ELP1: variants seen among roughly 807,000 people sequenced by gnomAD.
ELP1 encodes the protein elongator acetyltransferase complex subunit 1, also known as elongator complex protein 1.
In ELP1, 131 loss-of-function variants were observed where a neutral mutation model predicts 183.2. That is an observed-to-expected ratio of 0.72 (90% confidence interval 0.62 to 0.83). ELP1 has a LOEUF of 0.83. ELP1 is among the 40% of genes least tolerant of loss of function. The pLI is 0.00. For missense variants in ELP1, 1,550 were observed against 1,594.9 expected (o/e 0.97, Z 0.48); for synonymous variants, 555 against 569.0 (o/e 0.98, Z 0.35).
In ELP1 at chr9:108,897,426, T is replaced by A. The variant is rs112872236; in HGVS notation, c.2364-141A>T. On this transcript the variant is annotated intron_variant, in intron 22 of 36. Transcript: ENST00000374647. ...GTTGAATTATAAAAATATTGAGAAA[T>A]AAAACATGTCCACAAAAGACTTATA... 5.2e-4 allele frequency: 467 copies of A among 896,632 alleles called. 1 individual carries two copies. In the African/African-American group the frequency reaches 6.7e-3, roughly 13 times the overall value. The allele number at this position is 896,632 out of a possible 1,614,324, so 55.5% of individuals were successfully genotyped here.
intron 36 of ELP1, among the ~76,000 whole-genome samples, chr9:108,873,670 A>G (rs1827574281): frequency 6.6e-6 from 1 of 152,214 alleles, no homozygotes; most frequent in African/African-American, 2.4e-5. Context: ...ATTGGACTAC[A>G]GCACAAAATA....
Position 108,878,057 on chromosome 9 carries a change from A to T in ELP1, c.3793T>A (p.Leu1265Met). 6.2e-7 allele frequency: 1 copy of T among 1,614,088 alleles called. No homozygotes were observed. Among genetic ancestry groups the T allele is most frequent in the Non-Finnish European group, 8.5e-7 (1 of 1,179,954 alleles). Residue 1265 changes from leucine (L) to methionine (M), a missense_variant, in exon 35 of 37, where the codon TTG (leucine) becomes ATG (methionine). Leu to Met is a conservative substitution (Grantham distance 15). Transcript: ENST00000374647. ...LQKAFEDTLQ[L>M]MERSLPEIWT... Reference sequence around the variant, plus strand: ...ATTTCTGGAAGTGACCTTTCCATCAACTGCAGCGTATCTTCAAAGGCCTTC... The same window carrying T: ...ATTTCTGGAAGTGACCTTTCCATCATCTGCAGCGTATCTTCAAAGGCCTTC...
chr9:108,880,668 A>G (rs1157103994), intron 31 of ELP1, among the ~76,000 whole-genome samples: 3 of 152,228 alleles, frequency 2.0e-5, no homozygotes, highest in Non-Finnish European at 4.4e-5. Flanking sequence ...AAATACTACT[A>G]TCCAAGGATG....
At chr9:108,889,482 A>G in intron 28 of ELP1, 89 bp from the exon 29 acceptor site, 1 of 1,176,188 alleles carries the variant, frequency 8.5e-7, no homozygotes, top group Non-Finnish European at 1.3e-6. Flanking sequence ...TTATGTATGA[A>G]ACTATGTACT....
intron 35 of ELP1, among the ~76,000 whole-genome samples, chr9:108,876,731 C>CTT (rs35897844): frequency 1.1e-3 from 146 of 138,402 alleles, no homozygotes; most frequent in South Asian, 2.1e-3. Flanking sequence ...GATTGGCTGG[C>CTT]TTTTTTTTTT....
intron 35 of ELP1, among the ~76,000 whole-genome samples, chr9:108,877,305 T>C (rs1338585201): frequency 6.6e-6 from 1 of 152,218 alleles, no homozygotes; most frequent in African/African-American, 2.4e-5. Context: ...TTTTGCCTTG[T>C]TTAGTCCTCT....
rs3818932 is a variant in ELP1 at position 108,901,898 on chromosome 9, T to C, written c.1855-217A>G. On this transcript the variant is annotated intron_variant, in intron 16 of 36. Transcript: ENST00000374647. Reference sequence around the variant, plus strand: ...CCCTGACATCTCCATCTCCTACACATATCTCAAACCCATCTCCTTTTTCCC... The same window carrying C: ...CCCTGACATCTCCATCTCCTACACACATCTCAAACCCATCTCCTTTTTCCC... Among the ~76,000 whole-genome samples, 33,506 of 152,034 alleles carry C rather than the reference T, an allele frequency of 0.22. 4,536 individuals are homozygous for C. Among genetic ancestry groups the C allele is most frequent in the East Asian group, 0.3 (1,565 of 5,156 alleles).
At chr9:108,896,828 AAAATGGCAACT>A (rs892673462) in intron 24 of ELP1, 114 bp downstream of exon 24, 1 of 1,099,118 alleles carries the variant, frequency 9.1e-7, no homozygotes, top group Non-Finnish European at 1.4e-6. Flanking sequence ...CAAGGGTCTT[AAAATGGCAACT>A]AAAAAGTCAC....
At chr9:108,930,636 A>T (rs1829970759) in intron 2 of ELP1, among the ~76,000 whole-genome samples, 1 of 142,870 alleles carries the variant, frequency 7.0e-6, no homozygotes, top group African/African-American at 2.6e-5. Flanking sequence ...GCTTGCAGTG[A>T]GCCACGATCA....
chr9:108,893,908 G>T, intron 26 of ELP1, 35 bp downstream of exon 26: 1 of 1,611,580 alleles, frequency 6.2e-7, no homozygotes. Context: ...AAGAAGATCT[G>T]AAGTAGAGAT....
chr9:108,906,447 G>A lies in ELP1; in HGVS notation c.1499C>T (p.Pro500Leu), dbSNP rs779307491. 21 of 1,613,760 alleles carry A rather than the reference G, an allele frequency of 1.3e-5. No homozygotes were observed. Among genetic ancestry groups the A allele is most frequent in the Non-Finnish European group, 1.6e-5 (19 of 1,179,840 alleles). Residue 500 changes from proline (P) to leucine (L), a missense_variant, in exon 14 of 37, where the codon CCG becomes CTG. By Grantham distance (98) the Pro-to-Leu change is moderately conservative. Coordinates refer to ENST00000374647, the MANE Select transcript of ELP1 (RefSeq NM_003640.5). ...FENNEDQDVN[P>L]LKLGLLTWIE... is the part of the protein sequence containing the mutation. ...CCAAGTGAGAAGGCCTAGTTTCAGCGGGTTTACATCTTGATCTTCATTATT... is the reference window on the plus strand; with the variant it reads ...CCAAGTGAGAAGGCCTAGTTTCAGCAGGTTTACATCTTGATCTTCATTATT...
At chr9:108,894,131 A>T in intron 25 of ELP1, 65 bp from the exon 26 acceptor site, 1 of 971,616 alleles carries the variant, frequency 1.0e-6, no homozygotes, top group Non-Finnish European at 1.6e-6. Context: ...AGAAACTAGC[A>T]TTTACATATA....
intron 36 of ELP1, among the ~76,000 whole-genome samples, chr9:108,869,839 T>G (rs561002022): frequency 3.3e-5 from 5 of 152,218 alleles, no homozygotes; most frequent in Non-Finnish European, 7.3e-5. Flanking sequence ...GATTTTCTTT[T>G]TCAGCATTAT....
chr9:108,892,243 C>T (rs1368061973), intron 27 of ELP1, among the ~76,000 whole-genome samples: 1 of 152,064 alleles, frequency 6.6e-6, no homozygotes, highest in Non-Finnish European at 1.5e-5. Flanking sequence ...TTCTGATGGA[C>T]AAATGGGGCT....
chr9:108,882,517 G>A (rs928570017), intron 29 of ELP1, among the ~76,000 whole-genome samples: 2 of 151,944 alleles, frequency 1.3e-5, no homozygotes, highest in African/African-American at 4.8e-5. Flanking sequence ...GTTTAGGTGG[G>A]CTCCAGAATT....
chr9:108,872,829 A>G (rs918569521), intron 36 of ELP1, among the ~76,000 whole-genome samples: 2 of 124,988 alleles, frequency 1.6e-5, no homozygotes, highest in African/African-American at 5.3e-5. Context: ...AAAAAAAAAA[A>G]AAAAAAAAAA....
At chr9:108,888,868 A>G (rs1828220564) in intron 29 of ELP1, among the ~76,000 whole-genome samples, 2 of 152,208 alleles carry the variant, frequency 1.3e-5, no homozygotes, top group South Asian at 4.1e-4. Context: ...AATAAATCCT[A>G]TAATACTACC....
chr9:108,926,508 C>T lies in ELP1; in HGVS notation c.466+15G>A, dbSNP rs1279451654. On this transcript the variant is annotated intron_variant, in intron 5 of 36. Transcript: ENST00000374647. ...GAAACGTAGGTCACAAAATATTGCACAAAGCTATACTTACTTTCACCAAAA... is the reference window on the plus strand; with the variant it reads ...GAAACGTAGGTCACAAAATATTGCATAAAGCTATACTTACTTTCACCAAAA... The T allele has an allele frequency of 6.2e-7, 1 of 1,601,110 alleles. No homozygotes were observed. The highest frequency in any genetic ancestry group is 1.7e-5 in the Admixed American group (1 of 59,958).
intron 6 of ELP1, among the ~76,000 whole-genome samples, chr9:108,922,112 T>G (rs1232122420): frequency 6.6e-6 from 1 of 152,244 alleles, no homozygotes; most frequent in Non-Finnish European, 1.5e-5. Context: ...CTTGGTAGTG[T>G]GCCAGAGGGT....
Sources: gnomAD v4.1 joint callset for allele counts (sites outside exome capture counted in the v4.1 genomes callset) on GRCh38, gnomAD v4.1.1 for gene constraint, MANE v1.5 for transcripts, NCBI Gene and HGNC (gene_info 2026-07-23, HGNC 2026-07-21) for gene names.